SRRM2: variants seen among roughly 807,000 people sequenced by gnomAD.
SRRM2 encodes serine/arginine repetitive matrix 2.
Under a neutral mutation model 213.8 loss-of-function variants are expected in SRRM2, and 30 were observed. The ratio of observed to expected loss-of-function variants is 0.14; its 90% confidence interval spans 0.10 to 0.19. The LOEUF is 0.19. Among genes scored for constraint, SRRM2 ranks in the 10% least tolerant of loss-of-function variants. SRRM2 has a pLI of 1.00. For missense variants in SRRM2, 4,904 were observed against 3,647.0 expected, an observed-to-expected ratio of 1.34 and a Z score of -8.88; for synonymous variants, 2,025 against 1,377.7, an observed-to-expected ratio of 1.47 and a Z score of -10.40.
At chr16:2,760,529 G>T (rs962263155) in intron 10 of SRRM2, 30 bp downstream of exon 10, 1 of 1,609,706 alleles carries the variant, frequency 6.2e-7, no homozygotes, top group African/African-American at 1.3e-5. Flanking sequence ...ATGTTCATTG[G>T]ATTGCAAATG....
At position 2,765,961 on chromosome 16, in the gene SRRM2, T is replaced by G. The variant is rs761286797; in HGVS notation, c.5433T>G (p.Thr1811=). The change falls in exon 11 of 15, where the codon ACT becomes ACG. Residue 1811 remains threonine, a synonymous_variant. Transcript: ENST00000301740. The part of the protein sequence containing the change: ...RQRSRSRSRV[T]RRRRGGSGYH... Reference sequence around the variant, plus strand: ...GGAGCCGGTCAAGGTCGCGGGTTACTCGGCGGCGGAGGGGAGGCTCTGGTT... The same window carrying G: ...GGAGCCGGTCAAGGTCGCGGGTTACGCGGCGGCGGAGGGGAGGCTCTGGTT... 17 of 1,613,924 alleles carry G rather than the reference T, an allele frequency of 1.1e-5. No individual in the cohort carries two copies. The highest frequency in any genetic ancestry group is 1.6e-4 in the Middle Eastern group (1 of 6,084).
Position 2,766,460 on chromosome 16 carries a change from A to G in SRRM2, c.5932A>G (p.Thr1978Ala), listed in dbSNP as rs752300769. The G allele has an allele frequency of 6.8e-6, 11 of 1,613,800 alleles. No homozygotes were observed. Among genetic ancestry groups the G allele is most frequent in the South Asian group, 2.2e-5 (2 of 91,070 alleles). ...ATCTCGAAGCAGAACTTCGCCTATC[A>G]CTCGCAGAAGATCAAGATCCAGAAC... ...RRSRSRTSPI[T>A]RRRSRSRTSP... Residue 1978 changes from threonine (T) to alanine (A), a missense_variant, in exon 11 of 15, where the codon ACT becomes GCT. Thr to Ala is a moderately conservative substitution (Grantham distance 58). Coordinates refer to ENST00000301740, the MANE Select transcript of SRRM2 (RefSeq NM_016333.4). This position sits in a 1 kb window ranked among gnomAD's most constrained non-coding sequence, Gnocchi z 7.0.
Position 2,769,176 on chromosome 16 carries a change from C to G in SRRM2, c.7913C>G (p.Ser2638Cys). 1 of 1,612,054 alleles carries G rather than the reference C, an allele frequency of 6.2e-7. No homozygotes were observed. The highest frequency in any genetic ancestry group is 8.5e-7 in the Non-Finnish European group (1 of 1,178,798). ...SSSSSSSSSSSSSSSSSSSSS... is the reference protein window; with the variant it reads ...SSSSSSSSSSCSSSSSSSSSS... ...TCCTCTTCCTCTTCTTCTTCTTCCT[C>G]CTCATCTTCCTCCTCCTCGTCGTCT... is the stretch of plus-strand genomic sequence containing the variant. The change falls in exon 12 of 15, where the codon TCC (serine) becomes TGC (cysteine). Residue 2638 changes from serine to cysteine, a missense_variant. Physicochemically the swap from Ser to Cys is moderately radical, Grantham distance 112 (BLOSUM62 -1). Coordinates refer to ENST00000301740, the MANE Select transcript of SRRM2 (RefSeq NM_016333.4).
intron 12 of SRRM2, chr16:2,769,832 G>T (rs1205030522): frequency 4.3e-6 from 2 of 465,254 alleles, no homozygotes; most frequent in East Asian, 1.4e-4. Context: ...TTCTCCTCCT[G>T]CCCGCCCCCA....
Position 2,761,776 on chromosome 16 carries a change from T to C in SRRM2, c.1248T>C (p.Ser416=). ...CTCCCGAGAAACTTCCCCAGTCTTCTTCCTCAGAGAGCAGCCCACCATCCC... is the reference window on the plus strand; with the variant it reads ...CTCCCGAGAAACTTCCCCAGTCTTCCTCCTCAGAGAGCAGCCCACCATCCC... ...PKSPEKLPQS[S]SSESSPPSPQ... Residue 416 remains serine (S), a synonymous_variant, in exon 11 of 15, where the codon TCT becomes TCC. Transcript: ENST00000301740. 1 of 1,613,680 alleles carries C rather than the reference T, an allele frequency of 6.2e-7. No individual in the cohort carries two copies. The highest frequency in any genetic ancestry group is 8.5e-7 in the Non-Finnish European group (1 of 1,179,810).
chr16:2,765,238 A>G lies in SRRM2; in HGVS notation c.4710A>G (p.Arg1570=). The G allele has an allele frequency of 6.2e-7, 1 of 1,614,084 alleles. No individual in the cohort carries two copies. The highest frequency in any genetic ancestry group is 1.6e-4 in the Middle Eastern group (1 of 6,062). Residue 1570 remains arginine, a synonymous_variant, in exon 11 of 15, where the codon AGA becomes AGG. Coordinates refer to ENST00000301740, the MANE Select transcript of SRRM2 (RefSeq NM_016333.4). ...DSSPDSKAKT[R]TPLRQRSRSG... ...CTCCAGATTCTAAAGCCAAGACAAG[A>G]ACCCCACTTCGGCAGAGGAGTCGGT... is the stretch of plus-strand genomic sequence containing the variant.
chr16:2,765,767 T>G lies in SRRM2; in HGVS notation c.5239T>G (p.Ser1747Ala). 6.2e-7 allele frequency: 1 copy of G among 1,614,024 alleles called. No homozygotes were observed. The highest frequency in any genetic ancestry group is 8.5e-7 in the Non-Finnish European group (1 of 1,180,026). Reference protein sequence around the residue: ...EKSRSSRRRRSASSPRTKTTS... With the variant: ...EKSRSSRRRRAASSPRTKTTS... ...ATCGAGGTCTTCACGCCGACGGCGC[T>G]CAGCTTCATCTCCACGCACTAAGAC... Residue 1747 changes from serine to alanine, a missense_variant, in exon 11 of 15, where the codon TCA becomes GCA. Transcript: ENST00000301740.
chr16:2,757,918 C>A lies in SRRM2; in HGVS notation c.488C>A (p.Pro163Gln). The change falls in exon 4 of 15, where the codon CCA (proline) becomes CAA (glutamine). Residue 163 changes from proline (P) to glutamine (Q), a missense_variant. Physicochemically the swap from Pro to Gln is moderately conservative, Grantham distance 76. Transcript: ENST00000301740. The part of the protein sequence containing the change: ...PQRRAREAKQ[P>Q]APEPPKPYSL... ...CGTCGTGCCCGAGAAGCTAAACAAC[C>A]AGCTCCTGAGCCTCCCAAACCTTAC... 6.2e-7 allele frequency: 1 copy of A among 1,614,124 alleles called. No homozygotes were observed. The highest frequency in any genetic ancestry group is 8.5e-7 in the Non-Finnish European group (1 of 1,180,024).
chr16:2,763,484 A>G lies in SRRM2; in HGVS notation c.2956A>G (p.Arg986Gly), dbSNP rs1304487633. 1 of 1,614,120 alleles carries G rather than the reference A, an allele frequency of 6.2e-7. No individual in the cohort carries two copies. Among genetic ancestry groups the G allele is most frequent in the Non-Finnish European group, 8.5e-7 (1 of 1,180,058 alleles). ...CAAAGTGAAACCTGAAACACCGCCA[A>G]GACAAAGTCACTCAGGGTCTATTTC... ...DTKVKPETPP[R>G]QSHSGSISPY... Residue 986 changes from arginine (R) to glycine (G), a missense_variant, in exon 11 of 15, where the codon AGA (arginine) becomes GGA (glycine). Transcript: ENST00000301740.
In SRRM2 at chr16:2,765,250, G is replaced by A; in HGVS notation, c.4722G>A (p.Arg1574=). 1 of 1,614,050 alleles carries A rather than the reference G, an allele frequency of 6.2e-7. No homozygotes were observed. The highest frequency in any genetic ancestry group is 8.5e-7 in the Non-Finnish European group (1 of 1,179,950). ...DSKAKTRTPL[R]QRSRSGSSPE... ...AAGCCAAGACAAGAACCCCACTTCG[G>A]CAGAGGAGTCGGTCTGGATCATCTC... The change falls in exon 11 of 15, where the codon CGG becomes CGA. Residue 1574 remains arginine, a synonymous_variant. Transcript: ENST00000301740.
chr16:2,754,425 C>T (rs2068069216), intron 1 of SRRM2, among the ~76,000 whole-genome samples: 1 of 152,068 alleles, frequency 6.6e-6, no homozygotes, highest in Non-Finnish European at 1.5e-5. Flanking sequence ...TCTGGAGTTG[C>T]TGAGATTACA....
At chr16:2,753,408 G>C (rs554234816) in intron 1 of SRRM2, 1 of 152,358 alleles carries the variant, frequency 6.6e-6, no homozygotes, top group East Asian at 1.9e-4. Context: ...TTCGTGGGCC[G>C]GATTTAAATG....
At position 2,770,974 on chromosome 16, in the gene SRRM2, C is replaced by A; in HGVS notation, c.*107C>A. The A allele has an allele frequency of 1.4e-6, 2 of 1,398,206 alleles. No individual in the cohort carries two copies. Among genetic ancestry groups the A allele is most frequent in the Non-Finnish European group, 2.0e-6 (2 of 1,013,080 alleles). The allele number at this position is 1,398,206 out of a possible 1,614,324, so 86.6% of individuals were successfully genotyped here. A position where few individuals can be genotyped will look rare whatever the true frequency, so the allele number is the denominator to read the frequency against. On this transcript the variant is annotated 3_prime_UTR_variant, in exon 15 of 15. Coordinates refer to ENST00000301740, the MANE Select transcript of SRRM2 (RefSeq NM_016333.4). ...GGTCCTTGTCTGCTCTCCTTTGAAC[C>A]TTGGCAGCCCTTGGATGGAGGGCTC...
rs375318315 is a variant in SRRM2, at chr16:2,762,393, G to A, written c.1865G>A (p.Arg622Lys). 1.2e-6 allele frequency: 2 copies of A among 1,614,236 alleles called. No individual in the cohort carries two copies. Among genetic ancestry groups the A allele is most frequent in the African/African-American group, 1.3e-5 (1 of 75,068 alleles). Residue 622 changes from arginine (R) to lysine (K), a missense_variant, in exon 11 of 15, where the codon AGG becomes AAG. Physicochemically the swap from Arg to Lys is conservative, Grantham distance 26. Transcript: ENST00000301740. The stretch of plus-strand genomic sequence containing the variant: ...AGGTCTCGGTCTAGAACACCTGCTA[G>A]GCGCAGATCTAGGACCCGATCACCA... ...RGRSRSRTPARRRSRTRSPVR... is the reference protein window; with the variant it reads ...RGRSRSRTPAKRRSRTRSPVR...
At chr16:2,760,617 C>A in intron 10 of SRRM2, 118 bp downstream of exon 10, 1 of 1,172,412 alleles carries the variant, frequency 8.5e-7, no homozygotes, top group Non-Finnish European at 1.2e-6. Flanking sequence ...GTTTTTTTTC[C>A]TGCATTTCTC....
rs149555495 is a variant in SRRM2 at position 2,764,910 on chromosome 16, G to A, written c.4382G>A (p.Gly1461Glu). The A allele has an allele frequency of 2.5e-6, 4 of 1,614,112 alleles. No homozygotes were observed. Among genetic ancestry groups the A allele is most frequent in the Non-Finnish European group, 2.5e-6 (3 of 1,180,030 alleles). The change falls in exon 11 of 15, where the codon GGG becomes GAG. Residue 1461 changes from glycine to glutamate, a missense_variant. Coordinates refer to ENST00000301740, the MANE Select transcript of SRRM2 (RefSeq NM_016333.4). ...SGTPSRHSLS[G>E]SSPGMKDIPR... ...ACTCCCTCGAGGCACAGCCTGTCTG[G>A]GTCCTCTCCTGGAATGAAAGATATA...
Position 2,767,130 on chromosome 16 carries a change from C to T in SRRM2, c.6602C>T (p.Ala2201Val). The T allele has an allele frequency of 6.2e-7, 1 of 1,614,200 alleles. No individual in the cohort carries two copies. The change falls in exon 11 of 15, where the codon GCT (alanine) becomes GTT (valine). Residue 2201 changes from alanine to valine, a missense_variant. Transcript: ENST00000301740. ...GTARPPPSMS[A>V]AGLAARMSQV... ...GCTCGGCCTCCTCCGTCCATGTCTG[C>T]TGCTGGCCTTGCTGCAAGAATGTCC...
At chr16:2,753,794 T>A (rs2068035718) in intron 1 of SRRM2, 1 of 152,164 alleles carries the variant, frequency 6.6e-6, no homozygotes, top group Non-Finnish European at 1.5e-5. Context: ...AAAGCTACTA[T>A]TTTAGCTTTC....
At chr16:2,753,532 T>C (rs1032498848) in intron 1 of SRRM2, 4 of 152,238 alleles carry the variant, frequency 2.6e-5, no homozygotes, top group Admixed American at 2.6e-4. Flanking sequence ...AGGTAGACCG[T>C]GCGTTCCCTT....
Sources: allele counts gnomAD v4.1 joint callset (sites outside exome capture counted in the v4.1 genomes callset), GRCh38; gene constraint gnomAD v4.1.1; non-coding constraint Gnocchi (gnomAD v3.1); transcripts MANE v1.5; gene names NCBI Gene and HGNC (gene_info 2026-07-23, HGNC 2026-07-21).